The following MED23 variants were observed in gnomAD, a reference collection of about 807,000 sequenced individuals.
The protein encoded by MED23 is mediator complex subunit 23.
A neutral mutation model predicts 163.9 loss-of-function variants in MED23; 105 were observed. The observed-to-expected ratio is 0.64, with a 90% CI of 0.55 to 0.75. MED23 has a LOEUF of 0.75. MED23 is among the 30% of genes least tolerant of loss of function. The pLI, the probability that MED23 is intolerant of heterozygous loss-of-function variation, is 0.00. For missense variants in MED23, 1,054 were observed against 1,649.0 expected, an observed-to-expected ratio of 0.64 and a Z score of 6.25; for synonymous variants, 561 against 565.6, an observed-to-expected ratio of 0.99 and a Z score of 0.12.
At chr6:131,592,895 T>A (rs1774751843) in intron 24 of MED23, 111 bp downstream of exon 24, 1 of 1,238,970 alleles carries the variant, frequency 8.1e-7, no homozygotes, top group Admixed American at 1.8e-5. Context: ...ACAGTCATCA[T>A]CCAATGTGCA....
At chr6:131,579,742 C>T (rs1246466164) in intron 30 of MED23, 2 of 158,450 alleles carry the variant, frequency 1.3e-5, no homozygotes, top group African/African-American at 4.8e-5. Context: ...TTGTACTTCT[C>T]TAGCAACCAT....
At chr6:131,599,397 A>C (rs1775301797) in intron 18 of MED23, among the ~76,000 whole-genome samples, 1 of 152,196 alleles carries the variant, frequency 6.6e-6, no homozygotes, top group African/African-American at 2.4e-5. Context: ...CTTTCTCCTT[A>C]TTAGAAAAGC....
downstream of MED23, chr6:131,583,949 A>AATT: frequency 6.3e-7 from 1 of 1,597,660 alleles, no homozygotes; most frequent in East Asian, 2.2e-5. Context: ...TTAATGGCAT[A>AATT]ATTAGAAAGC....
chr6:131,588,906 C>T (rs1774374733), intron 28 of MED23, among the ~76,000 whole-genome samples: 1 of 152,174 alleles, frequency 6.6e-6, no homozygotes, highest in South Asian at 2.1e-4. Context: ...CAGAACGAAT[C>T]TAATACCTAT....
intron 22 of MED23, among the ~76,000 whole-genome samples, chr6:131,595,076 A>C (rs1334188912): frequency 6.6e-6 from 1 of 152,224 alleles, no homozygotes; most frequent in Non-Finnish European, 1.5e-5. Context: ...CTCTGAGGGA[A>C]GGTATCTTAA....
At chr6:131,613,134 T>C (rs1024314852) in intron 10 of MED23, among the ~76,000 whole-genome samples, 2 of 152,108 alleles carry the variant, frequency 1.3e-5, no homozygotes, top group African/African-American at 2.4e-5. Context: ...CTGATTAACA[T>C]AAGATCAAAT....
chr6:131,603,416 G>A (rs562492777), intron 15 of MED23, among the ~76,000 whole-genome samples: 31 of 151,970 alleles, frequency 2.0e-4, no homozygotes, highest in Non-Finnish European at 4.1e-4. Context: ...CTTTTTTCCT[G>A]GGATTTGGCA....
Position 131,623,393 on chromosome 6 carries a change from T to C in MED23, c.354A>G (p.Thr118=), listed in dbSNP as rs1777250180. Residue 118 remains threonine, a synonymous_variant, in exon 5 of 29, where the codon ACA becomes ACG. Transcript: ENST00000368068. ...EWERTQLWAL[T]FKLVRKIIGG... The stretch of plus-strand genomic sequence containing the variant: ...CAATTATTTTCCGAACCAGTTTAAA[T>C]GTTAAGGCCCAAAGCTGTGTTCTTT... The C allele has an allele frequency of 1.2e-6, 2 of 1,614,132 alleles. No homozygotes were observed. The highest frequency in any genetic ancestry group is 1.7e-6 in the Non-Finnish European group (2 of 1,180,014).
chr6:131,591,092 T>A (rs1290000208), intron 26 of MED23, among the ~76,000 whole-genome samples: 2 of 151,898 alleles, frequency 1.3e-5, no homozygotes, highest in Non-Finnish European at 2.9e-5. Flanking sequence ...GTGATTCTCC[T>A]GCCTTAGCCT....
At chr6:131,623,591 G>A (rs1036814020) in intron 4 of MED23, 129 bp from the exon 5 acceptor site, 9 of 754,444 alleles carry the variant, frequency 1.2e-5, no homozygotes, top group South Asian at 5.8e-5. Flanking sequence ...TAATCCCCAC[G>A]TGTCATGAGA....
At chr6:131,594,430 T>C in intron 22 of MED23, 95 bp from the exon 23 acceptor site, 1 of 950,438 alleles carries the variant, frequency 1.1e-6, no homozygotes, top group Non-Finnish European at 1.7e-6. Context: ...GAAAAACAGC[T>C]CAGAAGATTT....
intron 20 of MED23, among the ~76,000 whole-genome samples, 175 bp from the exon 21 acceptor site, chr6:131,596,863 G>C (rs1194561455): frequency 1.3e-5 from 2 of 152,064 alleles, no homozygotes; most frequent in East Asian, 3.9e-4. Context: ...GACCTTTCTT[G>C]CCTATTTCTG....
At chr6:131,597,069 A>G (rs1775100178) in intron 20 of MED23, among the ~76,000 whole-genome samples, 1 of 152,198 alleles carries the variant, frequency 6.6e-6, no homozygotes, top group Non-Finnish European at 1.5e-5. Context: ...CTACTTTTAT[A>G]TCTATGCTCC....
At chr6:131,603,695 C>A (rs1775651802) in intron 15 of MED23, among the ~76,000 whole-genome samples, 1 of 152,226 alleles carries the variant, frequency 6.6e-6, no homozygotes, top group South Asian at 2.1e-4. Flanking sequence ...GCTGGAATTA[C>A]CATGAATCAG....
chr6:131,596,437 G>A, intron 21 of MED23, 81 bp downstream of exon 21: 3 of 1,494,176 alleles, frequency 2.0e-6, no homozygotes, highest in Non-Finnish European at 1.9e-6. Context: ...TAGAACCAGA[G>A]AGAAAACGGC....
chr6:131,613,661 G>C (rs1776438271), intron 10 of MED23, among the ~76,000 whole-genome samples: 1 of 152,104 alleles, frequency 6.6e-6, no homozygotes, highest in South Asian at 2.1e-4. Context: ...AGTTTTCTAT[G>C]AAAACGATTA....
At chr6:131,604,431 G>A (rs1439976948) in intron 14 of MED23, 111 bp from the exon 15 acceptor site, 23 of 1,203,458 alleles carry the variant, frequency 1.9e-5, no homozygotes, top group Non-Finnish European at 2.7e-5. Context: ...TGATTCAAAT[G>A]AAGTTGATTC....
In MED23 at chr6:131,581,147, A is replaced by G. The variant is rs895838745; in HGVS notation, c.4095+6562T>C. Reference sequence around the variant, plus strand: ...ACTCAAAGGAAAACCAAGTGGGAGCATTGAGTGAATAATATGATGTATGTA... The same window carrying G: ...ACTCAAAGGAAAACCAAGTGGGAGCGTTGAGTGAATAATATGATGTATGTA... On this transcript the variant is annotated intron_variant, in intron 30 of 30. Coordinates refer to the MED23 transcript ENST00000354577. The G allele has an allele frequency of 7.4e-6, 11 of 1,481,842 alleles. No individual in the cohort carries two copies. The African/African-American group carries it at 1.5e-4, about 20-fold the overall frequency. 91.8% of individuals were successfully genotyped at this position (1,481,842 alleles called of 1,614,324 possible).
At chr6:131,578,401 CA>C (rs1773735109) in intron 30 of MED23, among the ~76,000 whole-genome samples, 1 of 152,116 alleles carries the variant, frequency 6.6e-6, no homozygotes, top group Non-Finnish European at 1.5e-5. Context: ...CACAGTTTTA[CA>C]TGACACTCTC....
Sources: allele counts gnomAD v4.1 joint callset (sites outside exome capture counted in the v4.1 genomes callset), GRCh38; gene constraint gnomAD v4.1.1; transcripts MANE v1.5; gene names NCBI Gene and HGNC (gene_info 2026-07-23, HGNC 2026-07-21).